NSD1: variants seen among roughly 807,000 people sequenced by gnomAD.
The protein encoded by NSD1 is histone-lysine N-methyltransferase, H3 lysine-36 specific.
NSD1 carries 26 observed loss-of-function variants against 242.7 expected under a neutral mutation model. The observed-to-expected ratio is 0.11, with a 90% CI of 0.08 to 0.15. The LOEUF is 0.15. NSD1 is among the 10% of genes least tolerant of loss of function. The pLI, the probability that NSD1 is intolerant of heterozygous loss-of-function variation, is 1.00. For missense variants in NSD1, 2,495 were observed against 3,272.8 expected, an observed-to-expected ratio of 0.76 and a Z score of 5.80; for synonymous variants, 1,106 against 1,178.1, an observed-to-expected ratio of 0.94 and a Z score of 1.25.
chr5:177,246,647 C>A, intron 9 of NSD1, 31 bp from the exon 10 acceptor site: 1 of 1,449,348 alleles, frequency 6.9e-7, no homozygotes, highest in African/African-American at 1.4e-5. Context: ...GTGTTAGTAG[C>A]CAGCAGTTAA....
intron 5 of NSD1, among the ~76,000 whole-genome samples, chr5:177,226,908 T>G (rs913290670): frequency 1.3e-5 from 2 of 152,252 alleles, no homozygotes; most frequent in Non-Finnish European, 2.9e-5. Context: ...TAATTTACTT[T>G]GGTTGTTTGG....
chr5:177,218,600 C>T (rs1369265332), intron 5 of NSD1, among the ~76,000 whole-genome samples: 1 of 150,290 alleles, frequency 6.7e-6, no homozygotes, highest in Non-Finnish European at 1.5e-5. Flanking sequence ...CGGAGTCTCG[C>T]TCTGTTGCCC....
chr5:177,204,509 A>G (rs1762736585), intron 4 of NSD1, among the ~76,000 whole-genome samples: 1 of 152,098 alleles, frequency 6.6e-6, no homozygotes, highest in Admixed American at 6.6e-5. Flanking sequence ...GAGCACCACC[A>G]CGCCTGGCTA....
intron 21 of NSD1, among the ~76,000 whole-genome samples, chr5:177,290,433 A>G (rs1250952910): frequency 4.9e-5 from 7 of 143,366 alleles, no homozygotes; most frequent in Non-Finnish European, 1.1e-4. Flanking sequence ...TTTGAGACGG[A>G]GTCTCGCTCT....
chr5:177,266,025 C>T (rs909392048), intron 14 of NSD1: 4 of 1,042,854 alleles, frequency 3.8e-6, no homozygotes, highest in African/African-American at 3.1e-5. Context: ...CAAGATATAT[C>T]GAAGCCATAA....
At chr5:177,273,234 C>A (rs1758083790) in intron 16 of NSD1, among the ~76,000 whole-genome samples, 1 of 147,342 alleles carries the variant, frequency 6.8e-6, no homozygotes, top group South Asian at 2.2e-4. Context: ...AATCTTTTGG[C>A]TTCCCTGGGC....
chr5:177,225,510 A>G (rs1764568406), intron 5 of NSD1, among the ~76,000 whole-genome samples: 1 of 152,108 alleles, frequency 6.6e-6, no homozygotes, highest in South Asian at 2.1e-4. Flanking sequence ...TAGTTTCTTA[A>G]GTAGTGCTTT....
chr5:177,217,530 G>A (rs1381526462), intron 5 of NSD1, among the ~76,000 whole-genome samples: 4 of 151,992 alleles, frequency 2.6e-5, no homozygotes, highest in Non-Finnish European at 5.9e-5. Flanking sequence ...TATTTCCCTT[G>A]CTCTTTATCT....
At chr5:177,278,781 G>A (rs889908548) in intron 17 of NSD1, among the ~76,000 whole-genome samples, 4 of 152,088 alleles carry the variant, frequency 2.6e-5, no homozygotes, top group South Asian at 2.1e-4. Flanking sequence ...TTTTTTGTGC[G>A]GTTTGTGTCT....
intron 14 of NSD1, chr5:177,266,006 T>G (rs1757412633): frequency 1.9e-6 from 2 of 1,031,186 alleles, no homozygotes; most frequent in Non-Finnish European, 3.1e-6. Flanking sequence ...GATGGCCACA[T>G]CTTTGATGCA....
chr5:177,245,246 T>C (rs554307019), intron 9 of NSD1, among the ~76,000 whole-genome samples: 1 of 152,308 alleles, frequency 6.6e-6, no homozygotes, highest in Admixed American at 6.5e-5. Context: ...AAAATAATAG[T>C]AGTAATAATA....
intron 5 of NSD1, among the ~76,000 whole-genome samples, chr5:177,220,716 G>A (rs996662597): frequency 6.6e-6 from 1 of 151,548 alleles, no homozygotes; most frequent in Non-Finnish European, 1.5e-5. Flanking sequence ...GATTACAAGC[G>A]TGCACCAACA....
upstream of NSD1, among the ~76,000 whole-genome samples, chr5:177,132,273 G>A (rs950160048): frequency 6.6e-6 from 1 of 151,700 alleles, no homozygotes; most frequent in Non-Finnish European, 1.5e-5. This position sits in a 1 kb window ranked among gnomAD's most constrained non-coding sequence, Gnocchi z 7.5. Context: ...CGGAGCAGGC[G>A]GCCCGCTCTG....
At chr5:177,208,492 TC>T (rs1458789743) in intron 4 of NSD1, among the ~76,000 whole-genome samples, 3 of 151,762 alleles carry the variant, frequency 2.0e-5, no homozygotes, top group Non-Finnish European at 4.4e-5. Context: ...TTTTTCTTTT[TC>T]TTTTTTTTTT....
rs1760432046 is a variant in NSD1, at chr5:177,299,131, T to C, written c.*3672T>C. On this transcript the variant is annotated 3_prime_UTR_variant, in exon 23 of 23. Transcript: ENST00000439151. The stretch of plus-strand genomic sequence containing the variant: ...GGGCCAGTGCAACAGGGCCAGAGGC[T>C]GCTATAGTGTAAATTGAAATAAGAA... 4.3e-6 allele frequency: 1 copy of C among 233,142 alleles called. No homozygotes were observed. Among genetic ancestry groups the C allele is most frequent in the African/African-American group, 2.2e-5 (1 of 45,352 alleles). 14.4% of individuals were successfully genotyped at this position (233,142 alleles called of 1,614,324 possible).
At chr5:177,201,757 C>A (rs572350968) in intron 3 of NSD1, among the ~76,000 whole-genome samples, 1 of 151,674 alleles carries the variant, frequency 6.6e-6, no homozygotes, top group East Asian at 2.0e-4. Context: ...CAGGGCTTTA[C>A]CATGTTGGCC....
chr5:177,170,789 C>T (rs993612503), intron 2 of NSD1, among the ~76,000 whole-genome samples: 1 of 152,158 alleles, frequency 6.6e-6, no homozygotes, highest in Admixed American at 6.5e-5. Flanking sequence ...ATATCCCCAA[C>T]ATAAACTATC....
intron 14 of NSD1, among the ~76,000 whole-genome samples, chr5:177,261,165 G>C (rs1296999702): frequency 6.6e-6 from 1 of 151,552 alleles, no homozygotes; most frequent in Non-Finnish European, 1.5e-5. Context: ...TCCCCCACCG[G>C]TTCAAGCGAT....
intron 2 of NSD1, among the ~76,000 whole-genome samples, chr5:177,186,296 C>T (rs897104212): frequency 4.7e-5 from 7 of 149,602 alleles, no homozygotes; most frequent in Middle Eastern, 3.4e-3. Context: ...GTCTCAGAAA[C>T]GAAAAAGAAA....
Sources: gnomAD v4.1 joint callset for allele counts (sites outside exome capture counted in the v4.1 genomes callset) on GRCh38, gnomAD v4.1.1 for gene constraint, Gnocchi (gnomAD v3.1) non-coding constraint, MANE v1.5 for transcripts, NCBI Gene and HGNC (gene_info 2026-07-23, HGNC 2026-07-21) for gene names.